TOX: variants seen among roughly 807,000 people sequenced by gnomAD.
TOX encodes the protein thymocyte selection associated high mobility group box.
A neutral mutation model predicts 53.7 loss-of-function variants in TOX; 11 were observed. That is an observed-to-expected ratio of 0.20 (90% CI 0.13 to 0.34). The LOEUF (loss-of-function observed/expected upper bound fraction) is 0.34. TOX is among the 10% of genes least tolerant of loss of function. The pLI is 1.00. For missense variants in TOX, 570 were observed against 664.6 expected (o/e 0.86, Z 1.56); for synonymous variants, 225 against 245.3 (o/e 0.92, Z 0.77).
At chr8:58,955,310 C>T (rs1458146902) in intron 2 of TOX, among the ~76,000 whole-genome samples, 2 of 151,668 alleles carry the variant, frequency 1.3e-5, no homozygotes, top group East Asian at 1.9e-4. Flanking sequence ...CTATAATGCT[C>T]ATAATGAACA....
chr8:58,822,183 A>AACG (rs1354644405), intron 6 of TOX, among the ~76,000 whole-genome samples: 1 of 152,228 alleles, frequency 6.6e-6, no homozygotes, highest in Non-Finnish European at 1.5e-5. Context: ...AATGGAACCT[A>AACG]TTTTCTTATT....
At chr8:58,906,221 G>A (rs1811812375) in intron 3 of TOX, among the ~76,000 whole-genome samples, 1 of 151,968 alleles carries the variant, frequency 6.6e-6, no homozygotes, top group African/African-American at 2.4e-5. Flanking sequence ...TACTATAAGG[G>A]CCACAAGTCG....
chr8:59,040,221 T>C lies in TOX; in HGVS notation c.102+78665A>G, dbSNP rs997338398. On this transcript the variant is annotated intron_variant, in intron 1 of 8. Coordinates refer to ENST00000361421, the MANE Select transcript of TOX (RefSeq NM_014729.3). ...GCGGGCGCCTGTAGTCCCAGCTACT[T>C]GGGAGGCTGAGGCAGGAGAATGGCG... 2.1e-5 allele frequency among the ~76,000 whole-genome samples: 3 copies of C among 143,854 alleles called. No homozygotes were observed. The Admixed American group carries it at 2.2e-4, about 11-fold the overall frequency. The allele number at this position is 143,854 out of a possible 152,430, so 94.4% of individuals were successfully genotyped here.
At chr8:58,855,236 C>T (rs927896823) in intron 3 of TOX, among the ~76,000 whole-genome samples, 9 of 152,066 alleles carry the variant, frequency 5.9e-5, no homozygotes, top group Non-Finnish European at 1.3e-4. Flanking sequence ...TAAAATTTGC[C>T]ATGGTTTTAT....
chr8:58,815,847 T>G lies in TOX; in HGVS notation c.1006-123A>C, dbSNP rs1810167604. 3 of 1,044,490 alleles carry G rather than the reference T, an allele frequency of 2.9e-6. No individual in the cohort carries two copies. The Admixed American group carries it at 9.1e-5, about 32-fold the overall frequency. 64.7% of individuals were successfully genotyped at this position (1,044,490 alleles called of 1,614,324 possible). On this transcript the variant is annotated intron_variant, in intron 6 of 8. Transcript: ENST00000361421. The stretch of plus-strand genomic sequence containing the variant: ...ATCCATACCCATGACTATCCCGGAC[T>G]CTCTGATCTAAGAATTTCTTCACCA...
chr8:58,812,957 G>A (rs1810107956), intron 7 of TOX, among the ~76,000 whole-genome samples: 1 of 152,154 alleles, frequency 6.6e-6, no homozygotes, highest in Non-Finnish European at 1.5e-5. Context: ...CCATGATCAA[G>A]GCATTGTTAA....
At chr8:58,974,931 G>A (rs1049494557) in intron 1 of TOX, among the ~76,000 whole-genome samples, 1 of 151,960 alleles carries the variant, frequency 6.6e-6, no homozygotes, top group Non-Finnish European at 1.5e-5. Context: ...TAGGACAAGT[G>A]AGTATCCCCT....
At chr8:58,949,097 A>G (rs1245655449) in intron 2 of TOX, among the ~76,000 whole-genome samples, 2 of 152,354 alleles carry the variant, frequency 1.3e-5, no homozygotes, top group Non-Finnish European at 2.9e-5. Context: ...AATAGGGATG[A>G]TGATAGTCTC....
At position 58,959,978 on chromosome 8, in the gene TOX, T is replaced by C. The variant is rs150269055; in HGVS notation, c.133A>G (p.Thr45Ala). Residue 45 changes from threonine to alanine, a missense_variant, in exon 2 of 9, where the codon ACA becomes GCA. Thr to Ala is a moderately conservative substitution (Grantham distance 58, BLOSUM62 0). This residue lies in a region of TOX where 282 missense variants were observed against 315.0 expected (regional missense o/e 0.90). Transcript: ENST00000361421. The stretch of plus-strand genomic sequence containing the variant: ...GGCACATAGTCCTGGCTCGGCTCTG[T>C]CATGCTCATATACATGTTCTCACCG... ...FDGENMYMSMTEPSQDYVPAS... is the reference protein window; with the variant it reads ...FDGENMYMSMAEPSQDYVPAS... The C allele has an allele frequency of 1.2e-6, 2 of 1,614,070 alleles. No individual in the cohort carries two copies. The highest frequency in any genetic ancestry group is 1.3e-5 in the African/African-American group (1 of 74,942).
At chr8:58,876,374 T>C (rs1811284597) in intron 3 of TOX, among the ~76,000 whole-genome samples, 1 of 152,164 alleles carries the variant, frequency 6.6e-6, no homozygotes, top group African/African-American at 2.4e-5. Context: ...GTGGGCTAGA[T>C]GAGCTCCCCA....
rs143093170 is a variant in TOX at position 58,884,245 on chromosome 8, G to A, written c.412-32440C>T. Among the ~76,000 whole-genome samples the A allele has an allele frequency of 2.6e-5, 4 of 152,206 alleles. No homozygotes were observed. In the East Asian group the frequency reaches 5.8e-4, roughly 22 times the overall value. ...CTTTGAAAGCTGACAACAATCCCTG[G>A]CATTGATAAAGGGATGAAGCACAGC... On this transcript the variant is annotated intron_variant, in intron 3 of 8. Transcript: ENST00000361421.
chr8:58,832,363 T>A (rs1335797662), intron 5 of TOX, among the ~76,000 whole-genome samples: 1 of 151,984 alleles, frequency 6.6e-6, no homozygotes, highest in Admixed American at 6.6e-5. Flanking sequence ...TATCCTTCAC[T>A]CCTAGTTTTT....
intron 3 of TOX, among the ~76,000 whole-genome samples, chr8:58,929,265 T>TA (rs1445760835): frequency 6.6e-6 from 1 of 152,114 alleles, no homozygotes; most frequent in Non-Finnish European, 1.5e-5. Flanking sequence ...GTATTTTTCA[T>TA]ATTTTAAGTT....
At position 58,815,628 on chromosome 8, in the gene TOX, C is replaced by T. The variant is rs1563360730; in HGVS notation, c.1102G>A (p.Ala368Thr). ...TGATAGTGGGAACTTAGGTACAGGG[C>T]CGAGTGGGCCTGGCTGGGCCCATGG... ...VFHGPSQAHS[A>T]LYLSSHYHQQ... is the part of the protein sequence containing the mutation. The change falls in exon 7 of 9, where the codon GCC (alanine) becomes ACC (threonine). Residue 368 changes from alanine (A) to threonine (T), a missense_variant. Coordinates refer to ENST00000361421, the MANE Select transcript of TOX (RefSeq NM_014729.3). 1.2e-6 allele frequency: 2 copies of T among 1,614,048 alleles called. No homozygotes were observed. The highest frequency in any genetic ancestry group is 1.7e-6 in the Non-Finnish European group (2 of 1,180,012).
At chr8:59,067,101 C>T (rs112972548) in intron 1 of TOX, among the ~76,000 whole-genome samples, 1,746 of 152,118 alleles carry the variant, frequency 0.011, 38 homozygotes, top group African/African-American at 0.04. Context: ...CATCTTAATC[C>T]TACTGCAAAT....
chr8:58,812,123 T>C (rs964790661), intron 7 of TOX, among the ~76,000 whole-genome samples: 2 of 152,172 alleles, frequency 1.3e-5, no homozygotes, highest in African/African-American at 4.8e-5. Flanking sequence ...TCAGATTTTA[T>C]CCACAACTCA....
intron 1 of TOX, among the ~76,000 whole-genome samples, chr8:59,088,902 G>A (rs1804559353): frequency 6.6e-6 from 1 of 152,076 alleles, no homozygotes; most frequent in African/African-American, 2.4e-5. Context: ...ACACTAATGG[G>A]CTTCCATTCA....
intron 3 of TOX, among the ~76,000 whole-genome samples, chr8:58,873,958 CTTTTTTTTTTTTT>C (rs1173710545): frequency 2.2e-4 from 9 of 40,138 alleles, no homozygotes; most frequent in South Asian, 9.1e-4. Context: ...TGCCAGGAAG[CTTTTTTTTTTTTT>C]TTTTTTTTTT....
intron 1 of TOX, among the ~76,000 whole-genome samples, chr8:58,985,610 C>T (rs2129417017): frequency 6.6e-6 from 1 of 152,276 alleles, no homozygotes; most frequent in Admixed American, 6.5e-5. Context: ...CTGAATTGCA[C>T]ACTTAAAGTG....
Sources: allele counts gnomAD v4.1 joint callset (sites outside exome capture counted in the v4.1 genomes callset), GRCh38; gene constraint gnomAD v4.1.1; regional missense constraint gnomAD v4.1.1; transcripts MANE v1.5; gene names NCBI Gene and HGNC (gene_info 2026-07-23, HGNC 2026-07-21).